FER1L6: variants seen among roughly 807,000 people sequenced by gnomAD.
FER1L6 encodes fer-1 like family member 6.
Under a neutral mutation model 219.2 loss-of-function variants are expected in FER1L6, and 177 were observed. The observed-to-expected ratio is 0.81, with a 90% CI of 0.71 to 0.91. FER1L6 has a LOEUF of 0.91. FER1L6 is among the 40% of genes least tolerant of loss of function. The pLI is 0.00. For missense variants in FER1L6, 2,153 were observed against 2,259.9 expected, an observed-to-expected ratio of 0.95 and a Z score of 0.96; for synonymous variants, 768 against 824.3, an observed-to-expected ratio of 0.93 and a Z score of 1.17.
chr8:123,943,036 C>T (rs946887058), intron 1 of FER1L6, among the ~76,000 whole-genome samples: 1 of 152,206 alleles, frequency 6.6e-6, no homozygotes, highest in African/African-American at 2.4e-5. Flanking sequence ...GTTCAAATCC[C>T]AGCACGTACC....
At chr8:123,854,762 G>T (rs1477959732) in intron 1 of FER1L6, among the ~76,000 whole-genome samples, 1 of 152,150 alleles carries the variant, frequency 6.6e-6, no homozygotes, top group South Asian at 2.1e-4. Flanking sequence ...GGACTGCCAG[G>T]CATGGTGGGG....
chr8:123,873,444 A>G (rs1816956924), intron 1 of FER1L6, among the ~76,000 whole-genome samples: 1 of 152,192 alleles, frequency 6.6e-6, no homozygotes, highest in Non-Finnish European at 1.5e-5. Flanking sequence ...TTTCTCCTGT[A>G]GCCTCATCAG....
rs772374284 is a variant in FER1L6 at position 124,003,216 on chromosome 8, GTCAGCTGAA to G, written c.1579_1587del (p.Ser527_Glu529del). 2 of 1,614,112 alleles carry G rather than the reference GTCAGCTGAA, an allele frequency of 1.2e-6. No individual in the cohort carries two copies. The highest frequency in any genetic ancestry group is 1.1e-5 in the South Asian group (1 of 91,074). On this transcript the variant is annotated inframe_deletion, in exon 13 of 41. Transcript: ENST00000522917. The stretch of plus-strand genomic sequence containing the variant: ...GAGGATCCCATCATGGGAGTAAGAA[GTCAGCTGAA>G]TCAGCTGAAGAAGACCTCCTTCCAC...
Position 124,087,773 on chromosome 8 carries a change from TCA to T in FER1L6, c.4392-3648_4392-3647del, listed in dbSNP as rs565091973. Among the ~76,000 whole-genome samples the T allele has an allele frequency of 2.3e-3, 350 of 152,300 alleles. 7 individuals carry two copies. The highest frequency in any genetic ancestry group is 6.6e-4 in the Non-Finnish European group (45 of 68,026). On this transcript the variant is annotated intron_variant, in intron 33 of 40. Transcript: ENST00000522917. ...TGGGTATTATAATCTAAATATTTGG[TCA>T]CTGCAGCCATATCTGCATTAGGGGA...
intron 10 of FER1L6, among the ~76,000 whole-genome samples, chr8:123,979,702 C>T (rs1400427738): frequency 6.6e-6 from 1 of 152,214 alleles, no homozygotes; most frequent in Non-Finnish European, 1.5e-5. Flanking sequence ...ACTACCTTCA[C>T]CCTAGTTCAA....
chr8:124,051,202 T>C (rs1820008585), intron 22 of FER1L6, among the ~76,000 whole-genome samples: 1 of 152,172 alleles, frequency 6.6e-6, no homozygotes, highest in Non-Finnish European at 1.5e-5. Context: ...GCTGACACCT[T>C]GATCTTGGAC....
intron 24 of FER1L6, 36 bp from the exon 25 acceptor site, chr8:124,061,816 A>G (rs1820593415): frequency 6.2e-7 from 1 of 1,604,086 alleles, no homozygotes; most frequent in African/African-American, 1.3e-5. Flanking sequence ...TGGAAGGGTC[A>G]CCAGGCCCCT....
Position 124,008,255 on chromosome 8 carries a change from G to T in FER1L6, c.1701-2339G>T, listed in dbSNP as rs1223443254. On this transcript the variant is annotated intron_variant, in intron 13 of 40. Coordinates refer to ENST00000522917, the MANE Select transcript of FER1L6 (RefSeq NM_001039112.2). ...CATAGTCTCCAATCATGTCCAGGTT[G>T]CTGCAAATGCCATTAATTCATTCCT... Among the ~76,000 whole-genome samples, 3 of 152,164 alleles carry T rather than the reference G, an allele frequency of 2.0e-5. No homozygotes were observed. In the East Asian group the frequency reaches 5.8e-4, roughly 29 times the overall value.
At chr8:123,919,911 A>G (rs1044197737) in intron 1 of FER1L6, among the ~76,000 whole-genome samples, 8 of 152,192 alleles carry the variant, frequency 5.3e-5, no homozygotes, top group African/African-American at 1.9e-4. Context: ...GCAGGTGGCC[A>G]AGAACCTTTC....
At chr8:123,923,024 A>G (rs1328396866) in intron 1 of FER1L6, among the ~76,000 whole-genome samples, 2 of 151,808 alleles carry the variant, frequency 1.3e-5, no homozygotes, top group Non-Finnish European at 2.9e-5. Flanking sequence ...CAGTCTAGCC[A>G]CATCCTTCCC....
chr8:123,858,487 G>A, intron 1 of FER1L6, among the ~76,000 whole-genome samples: 1 of 152,202 alleles, frequency 6.6e-6, no homozygotes, highest in East Asian at 1.9e-4. Flanking sequence ...TGGCAGTCTA[G>A]TCACTAGTGG....
intron 34 of FER1L6, among the ~76,000 whole-genome samples, chr8:124,092,099 A>G (rs1005277466): frequency 1.3e-5 from 2 of 152,284 alleles, no homozygotes; most frequent in South Asian, 4.1e-4. Context: ...ATTTTCTTGC[A>G]CTTGTCTGTG....
chr8:123,896,472 TC>T (rs1812743343), intron 1 of FER1L6, among the ~76,000 whole-genome samples: 1 of 152,248 alleles, frequency 6.6e-6, no homozygotes, highest in South Asian at 2.1e-4. Flanking sequence ...TCTCATGGAC[TC>T]TTGCAAGGAA....
intron 18 of FER1L6, among the ~76,000 whole-genome samples, chr8:124,033,902 G>A (rs1402372037): frequency 1.3e-5 from 2 of 152,160 alleles, no homozygotes; most frequent in Non-Finnish European, 2.9e-5. Context: ...TGTGAGCCCT[G>A]GAGGGAGGGC....
intron 22 of FER1L6, among the ~76,000 whole-genome samples, chr8:124,056,597 G>C (rs1820308508): frequency 6.6e-6 from 1 of 152,134 alleles, no homozygotes; most frequent in South Asian, 2.1e-4. Context: ...TTAGCTTCAG[G>C]CAGCATCTCT....
chr8:124,113,454 C>G (rs1230863159), intron 39 of FER1L6, among the ~76,000 whole-genome samples: 5 of 152,130 alleles, frequency 3.3e-5, no homozygotes, highest in African/African-American at 1.2e-4. Flanking sequence ...AGACAGTGTC[C>G]TACATAACCA....
chr8:123,970,255 A>G (rs1403152885), intron 6 of FER1L6, among the ~76,000 whole-genome samples, 158 bp downstream of exon 6: 7 of 152,164 alleles, frequency 4.6e-5, no homozygotes, highest in Non-Finnish European at 1.5e-5. Flanking sequence ...TGAAATCACC[A>G]GTATGGAGGT....
intron 1 of FER1L6, among the ~76,000 whole-genome samples, chr8:123,939,721 C>G (rs772809576): frequency 2.6e-5 from 4 of 152,066 alleles, no homozygotes; most frequent in African/African-American, 4.8e-5. Context: ...ATGCAGTGAC[C>G]GGCAGGAAGA....
chr8:123,901,608 C>T (rs1288049343), intron 1 of FER1L6, among the ~76,000 whole-genome samples: 1 of 152,040 alleles, frequency 6.6e-6, no homozygotes, highest in Admixed American at 6.6e-5. Flanking sequence ...TCAGTTAGTG[C>T]ACTTTCAGTC....
Sources: allele counts gnomAD v4.1 joint callset (sites outside exome capture counted in the v4.1 genomes callset), GRCh38; gene constraint gnomAD v4.1.1; transcripts MANE v1.5; gene names NCBI Gene and HGNC (gene_info 2026-07-23, HGNC 2026-07-21).